The following MRPS6 variants were observed in gnomAD, a reference collection of about 807,000 sequenced individuals.
MRPS6 encodes mitochondrial ribosomal protein S6, also known as small ribosomal subunit protein bS6m.
MRPS6 carries 6 observed loss-of-function variants against 13.1 expected under a neutral mutation model. The ratio of observed to expected loss-of-function variants is 0.46; its 90% CI spans 0.25 to 0.91. MRPS6 has a LOEUF of 0.91. Ranked by LOEUF, MRPS6 falls within the 40% of genes least tolerant of loss-of-function variation. The probability of loss-of-function intolerance (pLI) is 0.18; values close to 1 mark genes in which losing one functional copy is unlikely to be tolerated. For missense variants in MRPS6, 164 were observed against 155.6 expected, an observed-to-expected ratio of 1.05 and a Z score of -0.29; for synonymous variants, 61 against 56.5, an observed-to-expected ratio of 1.08 and a Z score of -0.36.
intron 2 of MRPS6, among the ~76,000 whole-genome samples, chr21:34,135,216 A>T (rs1026268123): frequency 1.2e-4 from 18 of 152,278 alleles, no homozygotes; most frequent in African/African-American, 4.3e-4. Context: ...ACATTTGTGT[A>T]CAAGTTGTTG....
chr21:34,097,733 C>T (rs1602931942), intron 1 of MRPS6: 1 of 1,006,664 alleles, frequency 9.9e-7, no homozygotes, highest in Non-Finnish European at 1.2e-6. Context: ...AAGATTTGCT[C>T]ATTTCTAAAT....
chr21:34,076,237 C>A (rs965295340), intron 1 of MRPS6, among the ~76,000 whole-genome samples: 4 of 152,126 alleles, frequency 2.6e-5, no homozygotes, highest in Non-Finnish European at 5.9e-5. Flanking sequence ...GGAGAGCATT[C>A]TTAGTCTGTT....
At chr21:34,091,507 C>A (rs1978691558) in intron 1 of MRPS6, among the ~76,000 whole-genome samples, 1 of 152,150 alleles carries the variant, frequency 6.6e-6, no homozygotes, top group African/African-American at 2.4e-5. Flanking sequence ...TTTTGGTTAA[C>A]ATGGTTATAT....
At chr21:34,087,326 T>C (rs913185631) in intron 1 of MRPS6, among the ~76,000 whole-genome samples, 5 of 152,104 alleles carry the variant, frequency 3.3e-5, no homozygotes, top group African/African-American at 1.2e-4. Context: ...GATGGTAATA[T>C]AGGATATTGG....
intron 1 of MRPS6, among the ~76,000 whole-genome samples, chr21:34,119,908 A>G (rs185028296): frequency 5.9e-5 from 9 of 152,216 alleles, no homozygotes; most frequent in Admixed American, 5.9e-4. Context: ...TCTTCCTTTC[A>G]TTCTTCCCAC....
At chr21:34,078,219 G>A (rs568847366) in intron 1 of MRPS6, among the ~76,000 whole-genome samples, 2 of 152,082 alleles carry the variant, frequency 1.3e-5, no homozygotes, top group African/African-American at 4.8e-5. Flanking sequence ...TGTTTTATCT[G>A]CTTGAAACCA....
At position 34,077,316 on chromosome 21, in the gene MRPS6, A is replaced by G. The variant is rs77904409; in HGVS notation, c.45+3571A>G. On this transcript the variant is annotated intron_variant, in intron 1 of 2. Transcript: ENST00000399312. Reference sequence around the variant, plus strand: ...CTTTTTATGCCTTGGGTATACAGGAAGAAGAAATCTGAGGAAAGAAATCTG... The same window carrying G: ...CTTTTTATGCCTTGGGTATACAGGAGGAAGAAATCTGAGGAAAGAAATCTG... Among the ~76,000 whole-genome samples, 124 of 152,348 alleles carry G rather than the reference A, an allele frequency of 8.1e-4. No individual in the cohort carries two copies. The East Asian group carries it at 0.019, about 24-fold the overall frequency.
intron 1 of MRPS6, among the ~76,000 whole-genome samples, chr21:34,118,821 A>G (rs1353707260): frequency 6.6e-6 from 1 of 152,140 alleles, no homozygotes; most frequent in Non-Finnish European, 1.5e-5. Flanking sequence ...AGCCTACTCC[A>G]TGTTTCTTAA....
chr21:34,077,242 T>C (rs1205881260), intron 1 of MRPS6, among the ~76,000 whole-genome samples: 1 of 152,236 alleles, frequency 6.6e-6, no homozygotes, highest in Non-Finnish European at 1.5e-5. Flanking sequence ...TAAAGCCGCA[T>C]ACTGTATAAT....
At chr21:34,130,121 T>TC (rs1040151039) in intron 2 of MRPS6, among the ~76,000 whole-genome samples, 44 of 142,456 alleles carry the variant, frequency 3.1e-4, no homozygotes, top group African/African-American at 9.5e-4. Flanking sequence ...CCCTCCCCCA[T>TC]CCCCCCACCC....
At chr21:34,128,331 A>G (rs925316059) in intron 2 of MRPS6, among the ~76,000 whole-genome samples, 2 of 152,096 alleles carry the variant, frequency 1.3e-5, no homozygotes, top group South Asian at 2.1e-4. Flanking sequence ...GTATTGGGCA[A>G]TTGCCTCTAC....
At chr21:34,113,842 A>G (rs569717961) in intron 1 of MRPS6, among the ~76,000 whole-genome samples, 1 of 152,272 alleles carries the variant, frequency 6.6e-6, no homozygotes, top group Non-Finnish European at 1.5e-5. Flanking sequence ...TTTTGTCTCT[A>G]CCATCTAAAT....
intron 1 of MRPS6, among the ~76,000 whole-genome samples, chr21:34,112,032 T>A (rs958887973): frequency 3.3e-5 from 5 of 152,200 alleles, no homozygotes; most frequent in African/African-American, 1.2e-4. Context: ...GCATCTCTCC[T>A]TTTGACTAGT....
intron 1 of MRPS6, chr21:34,095,917 A>G: frequency 2.5e-6 from 4 of 1,614,122 alleles, no homozygotes; most frequent in Non-Finnish European, 2.5e-6. Flanking sequence ...AATTCTTGTA[A>G]TGTCTCCCCT....
chr21:34,134,310 G>T (rs1306103110), intron 2 of MRPS6, among the ~76,000 whole-genome samples: 1 of 152,180 alleles, frequency 6.6e-6, no homozygotes, highest in African/African-American at 2.4e-5. Context: ...GTGAGCAAAT[G>T]TGCAAGTCAC....
chr21:34,101,266 C>G lies in MRPS6; in HGVS notation c.46-24075C>G, dbSNP rs576373748. The G allele has an allele frequency of 2.8e-5, 28 of 1,000,182 alleles. No individual in the cohort carries two copies. In the South Asian group the frequency reaches 5.2e-4, roughly 18 times the overall value. 62.0% of individuals were successfully genotyped at this position (1,000,182 alleles called of 1,614,324 possible). On this transcript the variant is annotated intron_variant, in intron 1 of 2. Coordinates refer to ENST00000399312, the MANE Select transcript of MRPS6 (RefSeq NM_032476.4). ...ATTTAGAGCTTGAAGCACCTTGGCT[C>G]TCAGCTACTTTAAACTCCTCCCCAT...
intron 1 of MRPS6, among the ~76,000 whole-genome samples, chr21:34,118,485 T>C (rs1980005882): frequency 6.6e-6 from 1 of 151,876 alleles, no homozygotes; most frequent in Non-Finnish European, 1.5e-5. Flanking sequence ...TTCTTTCCCC[T>C]CCCATTTACC....
Position 34,073,677 on chromosome 21 carries a change from G to C in MRPS6, c.-24G>C, listed in dbSNP as rs1039111917. On this transcript the variant is annotated 5_prime_UTR_variant, in exon 1 of 3. Coordinates refer to ENST00000399312, the MANE Select transcript of MRPS6 (RefSeq NM_032476.4). Reference sequence around the variant, plus strand: ...GTCCCGGGAACCGGCTGGCTTCCGAGCCGCACTCGCCGATCCTCCAGGCAT... The same window carrying C: ...GTCCCGGGAACCGGCTGGCTTCCGACCCGCACTCGCCGATCCTCCAGGCAT... The C allele has an allele frequency of 5.3e-6, 8 of 1,515,014 alleles. No homozygotes were observed. The highest frequency in any genetic ancestry group is 1.2e-5 in the South Asian group (1 of 86,546). 93.8% of individuals were successfully genotyped at this position (1,515,014 alleles called of 1,614,324 possible).
At chr21:34,090,897 T>C (rs1441916729) in intron 1 of MRPS6, among the ~76,000 whole-genome samples, 1 of 152,204 alleles carries the variant, frequency 6.6e-6, no homozygotes, top group East Asian at 1.9e-4. Flanking sequence ...TACATAGATG[T>C]GGTACCTACA....
Sources: gnomAD v4.1 joint callset for allele counts (sites outside exome capture counted in the v4.1 genomes callset) on GRCh38, gnomAD v4.1.1 for gene constraint, MANE v1.5 for transcripts, NCBI Gene and HGNC (gene_info 2026-07-23, HGNC 2026-07-21) for gene names.